The following CCDC178 variants were observed in gnomAD, a reference collection of about 807,000 sequenced individuals.
CCDC178 encodes coiled-coil domain containing 178.
Under a neutral mutation model 117.4 loss-of-function variants are expected in CCDC178, and 126 were observed. That is an observed-to-expected ratio of 1.07 (90% confidence interval 0.93 to 1.24). CCDC178 has a LOEUF of 1.24. Among genes scored for constraint, CCDC178 ranks in the 50% most tolerant of loss-of-function variants. The probability of loss-of-function intolerance (pLI) is 0.00; values close to 1 mark genes in which losing one functional copy is unlikely to be tolerated. For synonymous variants in CCDC178, 283 were observed against 313.4 expected, an observed-to-expected ratio of 0.90 and a Z score of 1.02; for missense variants, 1,030 against 986.9, an observed-to-expected ratio of 1.04 and a Z score of -0.59.
chr18:33,064,906 C>A (rs1254518822), intron 21 of CCDC178, among the ~76,000 whole-genome samples: 1 of 151,920 alleles, frequency 6.6e-6, no homozygotes, highest in South Asian at 2.1e-4. Flanking sequence ...GAACACTATT[C>A]ATCCATAGTA....
chr18:32,983,809 T>C (rs988719691), intron 21 of CCDC178, among the ~76,000 whole-genome samples: 1 of 152,030 alleles, frequency 6.6e-6, no homozygotes, highest in African/African-American at 2.4e-5. Flanking sequence ...GCAATTTTAA[T>C]TCAACAGAGT....
At chr18:33,046,601 A>G (rs2056647221) in intron 21 of CCDC178, among the ~76,000 whole-genome samples, 1 of 152,214 alleles carries the variant, frequency 6.6e-6, no homozygotes, top group South Asian at 2.1e-4. Flanking sequence ...GAAAAAAATT[A>G]AACAAGCATT....
chr18:32,981,827 T>C (rs2144716761), intron 21 of CCDC178, among the ~76,000 whole-genome samples: 1 of 152,292 alleles, frequency 6.6e-6, no homozygotes, highest in Admixed American at 6.5e-5. Flanking sequence ...TATTGGTATT[T>C]TCCTTCATCC....
At chr18:33,215,471 C>A in intron 19 of CCDC178, 79 bp downstream of exon 19, 2 of 813,590 alleles carry the variant, frequency 2.5e-6, no homozygotes, top group South Asian at 2.7e-5. Context: ...TTTAAGAATG[C>A]ATTTTAAATA....
At chr18:33,114,470 C>A (rs2057825454) in intron 20 of CCDC178, among the ~76,000 whole-genome samples, 1 of 151,868 alleles carries the variant, frequency 6.6e-6, no homozygotes, top group Admixed American at 6.6e-5. Context: ...AGAATTGGTT[C>A]ATAATGGTTA....
chr18:33,382,657 T>C (rs1307352801), intron 5 of CCDC178, among the ~76,000 whole-genome samples: 1 of 152,130 alleles, frequency 6.6e-6, no homozygotes, highest in Non-Finnish European at 1.5e-5. Context: ...TACTACACTT[T>C]TCCTACGGAT....
chr18:33,335,528 A>T (rs2062727924), intron 9 of CCDC178, among the ~76,000 whole-genome samples: 1 of 151,966 alleles, frequency 6.6e-6, no homozygotes, highest in Admixed American at 6.6e-5. Context: ...CATGTTTTAA[A>T]TATTTTATTT....
chr18:33,312,841 A>C (rs1307783748), intron 11 of CCDC178, among the ~76,000 whole-genome samples: 1 of 152,210 alleles, frequency 6.6e-6, no homozygotes, highest in Non-Finnish European at 1.5e-5. Flanking sequence ...AACAGCTTGA[A>C]TCTGGCCACC....
chr18:33,321,770 G>C (rs968266166), intron 11 of CCDC178, among the ~76,000 whole-genome samples: 1 of 151,692 alleles, frequency 6.6e-6, no homozygotes, highest in Non-Finnish European at 1.5e-5. Flanking sequence ...TACAACAAAT[G>C]TGGCAAATAG....
intron 14 of CCDC178, among the ~76,000 whole-genome samples, chr18:33,260,424 TTTAA>T (rs2059729850): frequency 6.6e-6 from 1 of 151,034 alleles, no homozygotes. Flanking sequence ...TTCTATAATT[TTTAA>T]TTATTTTTGT....
intron 21 of CCDC178, among the ~76,000 whole-genome samples, chr18:32,975,333 G>A (rs1416500563): frequency 1.3e-5 from 2 of 152,048 alleles, no homozygotes; most frequent in South Asian, 2.1e-4. Flanking sequence ...TAGTGGATGC[G>A]GTGTTAAGAA....
intron 14 of CCDC178, among the ~76,000 whole-genome samples, chr18:33,262,532 A>G (rs1202156017): frequency 6.6e-6 from 1 of 152,180 alleles, no homozygotes. Context: ...ACAGTCCTCA[A>G]CTGAGTCAAA....
chr18:33,379,794 C>T (rs1038048769), intron 5 of CCDC178, among the ~76,000 whole-genome samples: 12 of 152,128 alleles, frequency 7.9e-5, no homozygotes, highest in Admixed American at 3.9e-4. Context: ...GTGGATCAGG[C>T]TGCTGTTCCA....
chr18:33,048,476 AT>A (rs1386887704), intron 21 of CCDC178, among the ~76,000 whole-genome samples: 3 of 152,000 alleles, frequency 2.0e-5, no homozygotes, highest in South Asian at 4.2e-4. Flanking sequence ...TCATTCTTGA[AT>A]TTTTTTTACA....
Position 33,207,179 on chromosome 18 carries a change from C to T in CCDC178, c.2238+4717G>A, listed in dbSNP as rs200746101. ...ATCAAACCTTTAAGGAACTGAAATG[C>T]CCCATGCAATTTAACATAGAAAAAG... On this transcript the variant is annotated intron_variant, in intron 20 of 22. Transcript: ENST00000383096. Among the ~76,000 whole-genome samples, 11 of 152,114 alleles carry T rather than the reference C, an allele frequency of 7.2e-5. No individual in the cohort carries two copies. In the East Asian group the frequency reaches 1.9e-3, roughly 27 times the overall value.
chr18:33,119,622 T>G (rs551512766), intron 20 of CCDC178, among the ~76,000 whole-genome samples: 1 of 152,304 alleles, frequency 6.6e-6, no homozygotes, highest in East Asian at 1.9e-4. Context: ...TGGAAGACAG[T>G]GTGGCGATTC....
intron 11 of CCDC178, among the ~76,000 whole-genome samples, chr18:33,305,710 A>C (rs73421823): frequency 4.1e-4 from 62 of 152,240 alleles, no homozygotes; most frequent in African/African-American, 1.4e-3. Context: ...AGAGGAGCTT[A>C]AATTTACCCT....
chr18:33,294,425 T>C (rs981225101), intron 11 of CCDC178, among the ~76,000 whole-genome samples: 50 of 152,090 alleles, frequency 3.3e-4, no homozygotes, highest in Non-Finnish European at 4.9e-4. Context: ...CAAGTCAATA[T>C]GTAATAGAAA....
At chr18:33,141,528 T>C (rs1417771801) in intron 20 of CCDC178, among the ~76,000 whole-genome samples, 1 of 152,200 alleles carries the variant, frequency 6.6e-6, no homozygotes, top group Admixed American at 6.5e-5. Flanking sequence ...AGAACACTGC[T>C]CACTGCTCAA....
Sources: allele counts gnomAD v4.1 joint callset (sites outside exome capture counted in the v4.1 genomes callset), GRCh38; gene constraint gnomAD v4.1.1; transcripts MANE v1.5; gene names NCBI Gene and HGNC (gene_info 2026-07-23, HGNC 2026-07-21).